TUSC3: variants seen among roughly 807,000 people sequenced by gnomAD.
TUSC3 encodes tumor suppressor candidate 3, also known as dolichyl-diphosphooligosaccharide--protein glycosyltransferase subunit TUSC3.
In TUSC3, 45 loss-of-function variants were observed where a neutral mutation model predicts 44.8. That is an observed-to-expected ratio of 1.00 (90% CI 0.79 to 1.29). TUSC3 has a LOEUF of 1.29. Among genes scored for constraint, TUSC3 ranks in the 50% most tolerant of loss-of-function variants. The probability of loss-of-function intolerance (pLI) is 0.00; values close to 1 mark genes in which losing one functional copy is unlikely to be tolerated. For synonymous variants in TUSC3, 212 were observed against 152.9 expected (o/e 1.39, Z -2.85); for missense variants, 519 against 437.9 (o/e 1.19, Z -1.65).
chr8:15,831,856 T>C, the TUSC3 span, among the ~76,000 whole-genome samples: 85,706 of 151,990 alleles, frequency 0.56, 26,742 homozygotes, highest in Non-Finnish European at 0.72. Context: ...TGTGAGCAAC[T>C]TGGAAAACAT....
At chr8:15,632,763 C>A (rs939076942) in intron 2 of TUSC3, among the ~76,000 whole-genome samples, 8 of 152,136 alleles carry the variant, frequency 5.3e-5, no homozygotes, top group Non-Finnish European at 7.4e-5. Context: ...TTTGAGTATT[C>A]CAACTCAAAG....
rs1402733770 is a variant in TUSC3, at chr8:15,621,129, C to A, written c.139-1951C>A. Reference sequence around the variant, plus strand: ...TTACCCTGCTTGATTTCCACTCTTTCCATAGAGGGTCACAGTCTCTAAATA... The same window carrying A: ...TTACCCTGCTTGATTTCCACTCTTTACATAGAGGGTCACAGTCTCTAAATA... On this transcript the variant is annotated intron_variant, in intron 1 of 10. Transcript: ENST00000503731. Among the ~76,000 whole-genome samples the A allele has an allele frequency of 2.0e-5, 3 of 151,910 alleles. No homozygotes were observed. In the East Asian group the frequency reaches 5.8e-4, roughly 29 times the overall value.
chr8:15,523,993 T>C lies in TUSC3; in HGVS notation n.189+40510T>C, dbSNP rs537913868. Among the ~76,000 whole-genome samples, 697 of 150,808 alleles carry C rather than the reference T, an allele frequency of 4.6e-3. 5 individuals carry two copies. Among genetic ancestry groups the C allele is most frequent in the Non-Finnish European group, 6.4e-3 (434 of 67,846 alleles). ...ATCACTTGAACCCAGAAGGTGCAGG[T>C]TGCAGTGACCTGAGATTGCGCCACT... On this transcript the variant is annotated intron_variant and non_coding_transcript_variant, in intron 2 of 5. Transcript: ENST00000503191.
At chr8:15,832,852 A>G in the TUSC3 span, among the ~76,000 whole-genome samples, 4 of 152,140 alleles carry the variant, frequency 2.6e-5, no homozygotes, top group Non-Finnish European at 5.9e-5. Flanking sequence ...CAACACCCCA[A>G]TGACAGTATT....
chr8:15,634,806 G>A (rs775657391), intron 2 of TUSC3, among the ~76,000 whole-genome samples: 4 of 152,118 alleles, frequency 2.6e-5, no homozygotes, highest in African/African-American at 9.7e-5. Flanking sequence ...CTTTTCTCCA[G>A]TTATCCCGTA....
At chr8:15,443,219 G>T (rs1264923161) in intron 1 of TUSC3, among the ~76,000 whole-genome samples, 1 of 151,790 alleles carries the variant, frequency 6.6e-6, no homozygotes, top group Non-Finnish European at 1.5e-5. Context: ...AGGCTGGAGT[G>T]CTGGAGTGCA....
chr8:15,638,238 TC>T (rs1210448147), intron 2 of TUSC3, among the ~76,000 whole-genome samples: 1 of 152,082 alleles, frequency 6.6e-6, no homozygotes, highest in East Asian at 1.9e-4. Flanking sequence ...ACCTTCCTGT[TC>T]TTGCATGGAT....
At chr8:15,846,832 A>G in the TUSC3 span, among the ~76,000 whole-genome samples, 50 of 150,512 alleles carry the variant, frequency 3.3e-4, 1 homozygote, top group African/African-American at 1.1e-3. Flanking sequence ...ACAAACCTGC[A>G]TGTTCTGCAC....
chr8:15,782,515 CAT>C, the TUSC3 span, among the ~76,000 whole-genome samples: 2 of 152,226 alleles, frequency 1.3e-5, no homozygotes, highest in East Asian at 3.9e-4. Flanking sequence ...TGAATATACT[CAT>C]ATATTAAACA....
intron 2 of TUSC3, among the ~76,000 whole-genome samples, chr8:15,512,994 T>C (rs1801163311): frequency 7.0e-6 from 1 of 143,738 alleles, no homozygotes; most frequent in South Asian, 2.2e-4. Flanking sequence ...CACTCATACA[T>C]AAGTCAAATT....
At position 15,765,290 on chromosome 8, in the gene TUSC3, C is replaced by T. The variant is rs994503024; in HGVS notation, c.*1134C>T. Reference sequence around the variant, plus strand: ...ACTCTCAAACATGGATTTTTATATTCTGTGGAGTTATCCAAATTAATTAGG... The same window carrying T: ...ACTCTCAAACATGGATTTTTATATTTTGTGGAGTTATCCAAATTAATTAGG... On this transcript the variant is annotated 3_prime_UTR_variant, in exon 11 of 11. Transcript: ENST00000503731. 11 of 151,936 alleles carry T rather than the reference C, an allele frequency of 7.2e-5. No homozygotes were observed. The highest frequency in any genetic ancestry group is 2.2e-4 in the African/African-American group (9 of 41,422). The allele number at this position is 151,936 out of a possible 1,614,324, so 9.4% of individuals were successfully genotyped here. A position where few individuals can be genotyped will look rare whatever the true frequency, so the allele number is the denominator to read the frequency against.
chr8:15,499,350 C>A (rs1563267050), intron 2 of TUSC3, among the ~76,000 whole-genome samples: 1 of 152,152 alleles, frequency 6.6e-6, no homozygotes, highest in East Asian at 1.9e-4. Context: ...TATGTATACA[C>A]CCATGTTAAC....
At chr8:15,723,379 G>C (rs1466066729) in intron 6 of TUSC3, among the ~76,000 whole-genome samples, 1 of 152,058 alleles carries the variant, frequency 6.6e-6, no homozygotes, top group Admixed American at 6.6e-5. Context: ...ATAAAGAACT[G>C]TTTTATTTCT....
intron 6 of TUSC3, among the ~76,000 whole-genome samples, chr8:15,716,877 C>T (rs905525028): frequency 6.6e-6 from 1 of 151,572 alleles, no homozygotes. Context: ...CTTTTGAGGA[C>T]TTTAGTAATA....
intron 1 of TUSC3, among the ~76,000 whole-genome samples, chr8:15,556,003 T>C (rs1032831494): frequency 2.0e-5 from 3 of 151,096 alleles, no homozygotes; most frequent in Non-Finnish European, 3.0e-5. Flanking sequence ...ATTTTTTTAT[T>C]TTTTATTTTT....
chr8:15,485,567 C>G (rs866961390), intron 2 of TUSC3, among the ~76,000 whole-genome samples: 3 of 149,856 alleles, frequency 2.0e-5, no homozygotes, highest in Middle Eastern at 7.1e-3. Flanking sequence ...CAAACACGAG[C>G]TAAACAAAGA....
intron 6 of TUSC3, among the ~76,000 whole-genome samples, chr8:15,692,132 C>T (rs4418338): frequency 0.81 from 123,065 of 152,094 alleles, 50,466 homozygotes; most frequent in Non-Finnish European, 0.88. Flanking sequence ...ATTTATTGAT[C>T]TGTGTATGTT....
chr8:15,615,785 C>T (rs1022467381), intron 1 of TUSC3, among the ~76,000 whole-genome samples: 8 of 151,908 alleles, frequency 5.3e-5, no homozygotes, highest in African/African-American at 4.8e-5. Flanking sequence ...AAATACAGGA[C>T]GTTTATACAC....
rs531904979 is a variant in TUSC3, at chr8:15,525,027, C to T, written n.189+41544C>T. On this transcript the variant is annotated intron_variant and non_coding_transcript_variant, in intron 2 of 5. Coordinates refer to the TUSC3 transcript ENST00000503191. ...CTGAAAGATAACAAAGGAACAAAAG[C>T]CTGCAACTGTTGAGACTAACTCTCA... 3.1e-3 allele frequency among the ~76,000 whole-genome samples: 469 copies of T among 152,268 alleles called. 5 individuals are homozygous for T. Among genetic ancestry groups the T allele is most frequent in the African/African-American group, 0.011 (452 of 41,560 alleles).
Sources: allele counts gnomAD v4.1 joint callset (sites outside exome capture counted in the v4.1 genomes callset), GRCh38; gene constraint gnomAD v4.1.1; transcripts MANE v1.5; gene names NCBI Gene and HGNC (gene_info 2026-07-23, HGNC 2026-07-21).